The following TTC34 variants were observed in gnomAD, a reference collection of about 807,000 sequenced individuals.
The protein encoded by TTC34 is tetratricopeptide repeat domain 34.
TTC34 carries 44 observed loss-of-function variants against 40.7 expected under a neutral mutation model. That is an observed-to-expected ratio of 1.08 (90% CI 0.85 to 1.39). The LOEUF is 1.39. Among genes scored for constraint, TTC34 ranks in the 40% most tolerant of loss-of-function variants. The pLI, the probability that TTC34 is intolerant of heterozygous loss-of-function variation, is 0.00. For synonymous variants in TTC34, 422 were observed against 398.6 expected, an observed-to-expected ratio of 1.06 and a Z score of -0.70; for missense variants, 884 against 838.0, an observed-to-expected ratio of 1.05 and a Z score of -0.68.
chr1:2,653,620 G>A (rs1270799370), intron 6 of TTC34, among the ~76,000 whole-genome samples: 1 of 140,000 alleles, frequency 7.1e-6, no homozygotes, highest in Non-Finnish European at 1.5e-5. Context: ...CCACAAGTGA[G>A]CATCTGACAG....
chr1:2,683,238 T>C (rs1331237743), intron 6 of TTC34, among the ~76,000 whole-genome samples: 6 of 144,112 alleles, frequency 4.2e-5, no homozygotes, highest in African/African-American at 8.0e-5. Context: ...CACCCCCAAG[T>C]GAGCATCTGA....
At chr1:2,750,907 G>T (rs1247116465) in intron 6 of TTC34, among the ~76,000 whole-genome samples, 30 of 69,638 alleles carry the variant, frequency 4.3e-4, no homozygotes, top group East Asian at 1.4e-3. Flanking sequence ...GCATCTGAAC[G>T]CACGGAGCAG....
intron 6 of TTC34, among the ~76,000 whole-genome samples, chr1:2,769,569 T>C (rs1475908170): frequency 3.1e-5 from 2 of 65,568 alleles, no homozygotes; most frequent in Admixed American, 2.0e-4. Context: ...GCATCTGACA[T>C]CCTGGAACAG....
exon 3 of TTC34, chr1:2,789,955 G>A (rs2100630190): frequency 2.5e-6 from 1 of 392,532 alleles, no homozygotes; most frequent in African/African-American, 2.1e-5. Flanking sequence ...GCTCGCACAT[G>A]GCCCGGGCGC....
chr1:2,777,336 C>T (rs902865682), intron 6 of TTC34, among the ~76,000 whole-genome samples: 6 of 149,858 alleles, frequency 4.0e-5, no homozygotes, highest in African/African-American at 1.5e-4. Flanking sequence ...CCCCACACCT[C>T]CAGGGGGAGC....
intron 6 of TTC34, among the ~76,000 whole-genome samples, chr1:2,699,640 T>A (rs1271787214): frequency 2.9e-3 from 39 of 13,582 alleles, no homozygotes; most frequent in East Asian, 0.01. Flanking sequence ...GACAGCCTGG[T>A]GAAGCGCCCA....
chr1:2,760,183 C>G (rs1641650327), intron 6 of TTC34, among the ~76,000 whole-genome samples: 1 of 119,022 alleles, frequency 8.4e-6, no homozygotes, highest in Admixed American at 7.9e-5. Context: ...CATCTGACCG[C>G]CCGGAGCAGC....
intron 6 of TTC34, among the ~76,000 whole-genome samples, chr1:2,687,153 C>G (rs889616821): frequency 2.1e-5 from 3 of 143,082 alleles, no homozygotes; most frequent in African/African-American, 5.8e-5. Flanking sequence ...CAGCCTGGAA[C>G]AGTACCCACA....
intron 6 of TTC34, among the ~76,000 whole-genome samples, chr1:2,677,679 C>G (rs372794431): frequency 6.6e-6 from 1 of 151,882 alleles, no homozygotes; most frequent in East Asian, 1.9e-4. Context: ...CAGCCTGGAA[C>G]AGCACCCATA....
chr1:2,684,433 G>A (rs1342638145), intron 6 of TTC34, among the ~76,000 whole-genome samples: 4 of 77,722 alleles, frequency 5.1e-5, no homozygotes, highest in Non-Finnish European at 7.7e-5. Context: ...ACACCACCCT[G>A]CACCCCCAGG....
rs1422603698 is a variant in TTC34 at position 2,683,269 on chromosome 1, AC to A, written c.2227-37707del. Among the ~76,000 whole-genome samples the A allele has an allele frequency of 2.4e-4, 36 of 150,616 alleles. 1 individual carries two copies. Among genetic ancestry groups the A allele is most frequent in the African/African-American group, 8.3e-4 (34 of 40,854 alleles). On this transcript the variant is annotated intron_variant, in intron 6 of 8. Transcript: ENST00000401095. ...TCTGATGGTTTGCAGCAGCACCCAC[AC>A]CCACAGGTGAGCATCTGACAGCCTG... is the stretch of plus-strand genomic sequence containing the variant.
intron 6 of TTC34, among the ~76,000 whole-genome samples, chr1:2,697,550 G>C (rs1307835510): frequency 1.2e-4 from 18 of 151,528 alleles, no homozygotes; most frequent in African/African-American, 1.5e-4. Flanking sequence ...CTGATGGCCT[G>C]GAACCGCACC....
chr1:2,650,906 C>G (rs779347143), intron 6 of TTC34, among the ~76,000 whole-genome samples: 34 of 151,200 alleles, frequency 2.2e-4, no homozygotes, highest in Admixed American at 3.3e-4. Flanking sequence ...AGCACCCACA[C>G]CCCCAGGTGA....
intron 6 of TTC34, among the ~76,000 whole-genome samples, chr1:2,760,009 TGA>T (rs1641643535): frequency 2.4e-4 from 30 of 125,642 alleles, no homozygotes; most frequent in East Asian, 4.7e-4. Context: ...CAACCACAGG[TGA>T]GCATCGGAGA....
chr1:2,759,842 C>CGAGGTGAGCATCTGACAGCCTGGCG (rs1641635304), intron 6 of TTC34, among the ~76,000 whole-genome samples: 1 of 146,002 alleles, frequency 6.8e-6, no homozygotes, highest in Non-Finnish European at 1.5e-5. Flanking sequence ...ACCCACACCC[C>CGAGGTGAGCATCTGACAGCCTGGCG]CAGGTGAGCA....
chr1:2,683,684 C>T (rs375698486), intron 6 of TTC34, among the ~76,000 whole-genome samples: 23 of 45,436 alleles, frequency 5.1e-4, no homozygotes, highest in African/African-American at 1.7e-3. Flanking sequence ...CCCCAGGTGA[C>T]GATCTGACAG....
intron 6 of TTC34, among the ~76,000 whole-genome samples, chr1:2,695,125 C>T (rs1640802782): frequency 8.3e-6 from 1 of 120,988 alleles, no homozygotes; most frequent in Admixed American, 8.3e-5. Flanking sequence ...CCAAGATGAG[C>T]ATCTGACAGC....
intron 8 of TTC34, among the ~76,000 whole-genome samples, chr1:2,643,005 C>A (rs957546453): frequency 6.6e-6 from 1 of 152,210 alleles, no homozygotes; most frequent in Non-Finnish European, 1.5e-5. Flanking sequence ...CTGACCCCGA[C>A]CCGTAGTTCA....
At chr1:2,651,472 C>T (rs1000561416) in intron 6 of TTC34, among the ~76,000 whole-genome samples, 3 of 151,972 alleles carry the variant, frequency 2.0e-5, no homozygotes, top group Non-Finnish European at 4.4e-5. Flanking sequence ...GGACGCCACC[C>T]CACACACCCA....
Sources: allele counts gnomAD v4.1 joint callset (sites outside exome capture counted in the v4.1 genomes callset), GRCh38; gene constraint gnomAD v4.1.1; transcripts MANE v1.5; gene names NCBI Gene and HGNC (gene_info 2026-07-23, HGNC 2026-07-21).